Variants in SPATA7 observed in about 807,000 individuals in gnomAD.
SPATA7 encodes spermatogenesis-associated protein 7.
Under a neutral mutation model 51.8 loss-of-function variants are expected in SPATA7, and 43 were observed. The ratio of observed to expected loss-of-function variants is 0.83; its 90% confidence interval spans 0.65 to 1.07. The LOEUF is 1.07. SPATA7 is among the 50% of genes least tolerant of loss of function. The pLI, the probability that SPATA7 is intolerant of heterozygous loss-of-function variation, is 0.00. For missense variants in SPATA7, 683 were observed against 701.3 expected (o/e 0.97, Z 0.30); for synonymous variants, 230 against 252.8 (o/e 0.91, Z 0.86).
At chr14:88,399,221 GAT>G (rs1159924629) in intron 4 of SPATA7, among the ~76,000 whole-genome samples, 1 of 152,154 alleles carries the variant, frequency 6.6e-6, no homozygotes, top group Non-Finnish European at 1.5e-5. Context: ...TAGTTGAAGA[GAT>G]AGAAGGTAGG....
chr14:88,450,742 C>A (rs1366784125), intron 3 of SPATA7, among the ~76,000 whole-genome samples: 1 of 152,102 alleles, frequency 6.6e-6, no homozygotes, highest in Admixed American at 6.6e-5. Flanking sequence ...TTTCCTTTTT[C>A]TTGACTTTAG....
At position 88,449,857 on chromosome 14, in the gene SPATA7, T is replaced by C. The variant is rs114127015; in HGVS notation, c.178-5203T>C. Reference sequence around the variant, plus strand: ...ACCCCTCTTTGTCATTTTTAACTGCTGTTGCTTTGAAGTTTGTGTGATACA... The same window carrying C: ...ACCCCTCTTTGTCATTTTTAACTGCCGTTGCTTTGAAGTTTGTGTGATACA... On this transcript the variant is annotated intron_variant, in intron 3 of 3. Transcript: ENST00000554802. 3.2e-3 allele frequency among the ~76,000 whole-genome samples: 480 copies of C among 152,288 alleles called. 2 individuals are homozygous for C. The highest frequency in any genetic ancestry group is 0.01 in the Middle Eastern group (3 of 294).
At chr14:88,430,970 T>A (rs1213423623) in intron 8 of SPATA7, among the ~76,000 whole-genome samples, 1 of 152,164 alleles carries the variant, frequency 6.6e-6, no homozygotes, top group Non-Finnish European at 1.5e-5. Flanking sequence ...ATTGGAACAT[T>A]TTTGGATTTC....
At chr14:88,419,447 T>C (rs776767670) in intron 5 of SPATA7, among the ~76,000 whole-genome samples, 2 of 151,184 alleles carry the variant, frequency 1.3e-5, no homozygotes, top group African/African-American at 2.4e-5. Flanking sequence ...TTTTCTTCTT[T>C]TTTTTTTTTT....
intron 4 of SPATA7, among the ~76,000 whole-genome samples, chr14:88,405,677 A>G (rs1191311640): frequency 6.6e-6 from 1 of 152,240 alleles, no homozygotes; most frequent in African/African-American, 2.4e-5. Context: ...GAGCAATACC[A>G]TAGGAAAAGA....
At chr14:88,444,719 C>T (rs1182896216) in intron 3 of SPATA7, among the ~76,000 whole-genome samples, 1 of 152,262 alleles carries the variant, frequency 6.6e-6, no homozygotes, top group Middle Eastern at 3.4e-3. Context: ...CCAGTTTTCC[C>T]AGCACCATTT....
At chr14:88,386,802 G>A (rs1379655520) in intron 1 of SPATA7, among the ~76,000 whole-genome samples, 1 of 151,748 alleles carries the variant, frequency 6.6e-6, no homozygotes, top group African/African-American at 2.4e-5. Context: ...ATGATTCCTT[G>A]ATGTCTTTCT....
downstream of SPATA7, among the ~76,000 whole-genome samples, chr14:88,440,399 A>C (rs2077170348): frequency 1.3e-5 from 2 of 152,154 alleles, no homozygotes; most frequent in Admixed American, 6.5e-5. Context: ...TTTCCCTTTA[A>C]GTTTTAAAAG....
At chr14:88,429,326 A>G (rs772661165) in intron 7 of SPATA7, 22 bp from the exon 8 acceptor site, 1 of 1,445,066 alleles carries the variant, frequency 6.9e-7, no homozygotes, top group African/African-American at 1.4e-5. Context: ...AAAAATAAAT[A>G]TTTTTTTTAT....
At chr14:88,388,800 G>A (rs999117109) in intron 1 of SPATA7, among the ~76,000 whole-genome samples, 12 of 152,164 alleles carry the variant, frequency 7.9e-5, no homozygotes, top group Non-Finnish European at 1.8e-4. Flanking sequence ...TTACGGGAAA[G>A]TACTCAAAGA....
intron 3 of SPATA7, among the ~76,000 whole-genome samples, chr14:88,444,606 T>G (rs1288412804): frequency 1.3e-5 from 2 of 152,164 alleles, no homozygotes; most frequent in Admixed American, 1.3e-4. Context: ...TCTAGGGTTT[T>G]TATGGTTTTA....
intron 5 of SPATA7, among the ~76,000 whole-genome samples, chr14:88,422,572 T>G (rs1358613373): frequency 6.8e-6 from 1 of 147,062 alleles, no homozygotes; most frequent in Non-Finnish European, 1.5e-5. Context: ...TTAATGTATT[T>G]TATATATCTA....
Position 88,426,396 on chromosome 14 carries a change from C to T in SPATA7, c.537C>T (p.Ser179=). ...GTCCTGAGAAGAACTCCAGTTCCTC[C>T]CCGTCCAGTGTGGATTATGCAGCCT... ...TNGPEKNSSS[S]PSSVDYAASG... The change falls in exon 6 of 12, where the codon TCC becomes TCT. Residue 179 remains serine, a synonymous_variant. Coordinates refer to ENST00000393545, the MANE Select transcript of SPATA7 (RefSeq NM_018418.5). 6.8e-6 allele frequency: 11 copies of T among 1,614,168 alleles called. No homozygotes were observed. Among genetic ancestry groups the T allele is most frequent in the Non-Finnish European group, 8.5e-6 (10 of 1,180,024 alleles).
At chr14:88,388,038 C>CA in intron 1 of SPATA7, among the ~76,000 whole-genome samples, 1 of 151,596 alleles carries the variant, frequency 6.6e-6, no homozygotes, top group Non-Finnish European at 1.5e-5. Context: ...CTGTCTCCAC[C>CA]AAAAAATACA....
At chr14:88,463,216 A>C (rs1174802028) in intron 4 of SPATA7, among the ~76,000 whole-genome samples, 1 of 152,148 alleles carries the variant, frequency 6.6e-6, no homozygotes, top group Non-Finnish European at 1.5e-5. Flanking sequence ...TAAGGAGGAC[A>C]TATAAGTGGC....
At chr14:88,408,178 T>C (rs2076246752) in intron 4 of SPATA7, among the ~76,000 whole-genome samples, 1 of 152,150 alleles carries the variant, frequency 6.6e-6, no homozygotes, top group African/African-American at 2.4e-5. Context: ...GGGATAGCAC[T>C]GAGTCTATAA....
downstream of SPATA7, among the ~76,000 whole-genome samples, chr14:88,456,160 A>G (rs1469172331): frequency 2.0e-5 from 3 of 152,112 alleles, no homozygotes; most frequent in Non-Finnish European, 4.4e-5. Context: ...AGTCTTTGCT[A>G]TTATGAATAG....
exon 5 of SPATA7, chr14:88,470,192 T>C: frequency 1.4e-6 from 1 of 725,844 alleles, no homozygotes; most frequent in South Asian, 2.0e-5. Context: ...TTCAGCAGAA[T>C]AAGGAAAGAC....
At chr14:88,415,651 T>G (rs73323504) in intron 4 of SPATA7, among the ~76,000 whole-genome samples, 5,353 of 152,216 alleles carry the variant, frequency 0.035, 306 homozygotes, top group African/African-American at 0.12. Flanking sequence ...GTGTTTGCTG[T>G]TTGCTTTGTA....
Sources: allele counts gnomAD v4.1 joint callset (sites outside exome capture counted in the v4.1 genomes callset), GRCh38; gene constraint gnomAD v4.1.1; transcripts MANE v1.5; gene names NCBI Gene and HGNC (gene_info 2026-07-23, HGNC 2026-07-21).